The following PDE3A variants were observed in gnomAD, a reference collection of about 807,000 sequenced individuals.
PDE3A encodes cGMP-inhibited 3',5'-cyclic phosphodiesterase 3A.
A neutral mutation model predicts 98.3 loss-of-function variants in PDE3A; 43 were observed. The observed-to-expected ratio is 0.44, with a 90% CI of 0.34 to 0.56. The LOEUF is 0.56. Ranked by LOEUF, PDE3A falls within the 20% of genes least tolerant of loss-of-function variation. The pLI is 0.01. For synonymous variants in PDE3A, 663 were observed against 567.9 expected (o/e 1.17, Z -2.38); for missense variants, 1,427 against 1,440.7 (o/e 0.99, Z 0.15).
chr12:20,661,796 TG>T (rs1271484833), intron 15 of PDE3A, among the ~76,000 whole-genome samples: 1 of 151,908 alleles, frequency 6.6e-6, no homozygotes, highest in African/African-American at 2.4e-5. Context: ...GCTGCAGGGG[TG>T]GGGCAGTCAT....
rs1421778410 is a variant in PDE3A, at chr12:20,685,479, C to T, written c.*5208C>T. Among the ~76,000 whole-genome samples the T allele has an allele frequency of 6.7e-6, 1 of 148,462 alleles. No individual in the cohort carries two copies. The highest frequency in any genetic ancestry group is 1.5e-5 in the Non-Finnish European group (1 of 67,492). ...GAAGACACGAAACTGAAGATAAAGGCTTCATTTCCATAGTGGAAATCAGTG... is the reference window on the plus strand; with the variant it reads ...GAAGACACGAAACTGAAGATAAAGGTTTCATTTCCATAGTGGAAATCAGTG... On this transcript the variant is annotated 3_prime_UTR_variant, in exon 16 of 16. Transcript: ENST00000359062.
chr12:20,548,305 T>A lies in PDE3A; in HGVS notation c.961-8355T>A, dbSNP rs147531514. 3.1e-3 allele frequency among the ~76,000 whole-genome samples: 469 copies of A among 152,230 alleles called. 1 individual carries two copies. Among genetic ancestry groups the A allele is most frequent in the African/African-American group, 0.011 (443 of 41,566 alleles). ...TTCTTCATCAGACGGAAAGATTTTATTTGCCATTTGCAGGCATAACCTTGG... is the reference window on the plus strand; with the variant it reads ...TTCTTCATCAGACGGAAAGATTTTAATTGCCATTTGCAGGCATAACCTTGG... On this transcript the variant is annotated intron_variant, in intron 1 of 15. Transcript: ENST00000359062.
At chr12:20,624,502 C>T (rs1944212156) in intron 5 of PDE3A, among the ~76,000 whole-genome samples, 1 of 152,138 alleles carries the variant, frequency 6.6e-6, no homozygotes, top group Non-Finnish European at 1.5e-5. Context: ...TAAGATACCA[C>T]ATGGGCAGGT....
In PDE3A at chr12:20,630,094, C is replaced by G. The variant is rs748302991; in HGVS notation, c.1727C>G (p.Pro576Arg). 6.2e-7 allele frequency: 1 copy of G among 1,613,430 alleles called. No individual in the cohort carries two copies. Among genetic ancestry groups the G allele is most frequent in the South Asian group, 1.1e-5 (1 of 91,068 alleles). The change falls in exon 6 of 16, where the codon CCT becomes CGT. Residue 576 changes from proline to arginine, a missense_variant. This residue lies in a region of PDE3A where 1,012 missense variants were observed against 886.5 expected (regional missense o/e 1.14). Coordinates refer to ENST00000359062, the MANE Select transcript of PDE3A (RefSeq NM_000921.5). ...TYTQSAPDLS[P>R]QILTPPVICS... ...ACTCAGAGTGCCCCAGACCTATCCC[C>G]TCAAATCCTGACTCCACCTGTTATA...
chr12:20,444,056 G>C (rs1168334427), intron 1 of PDE3A, among the ~76,000 whole-genome samples: 1 of 152,130 alleles, frequency 6.6e-6, no homozygotes, highest in Non-Finnish European at 1.5e-5. Flanking sequence ...TACAATTATT[G>C]AGCACAGGAA....
At chr12:20,609,246 A>G (rs935442685) in intron 2 of PDE3A, among the ~76,000 whole-genome samples, 2 of 152,068 alleles carry the variant, frequency 1.3e-5, no homozygotes, top group Non-Finnish European at 2.9e-5. Context: ...AAATCAACAG[A>G]CAAAAATCAA....
At chr12:20,373,871 G>T (rs1943525522) in intron 1 of PDE3A, among the ~76,000 whole-genome samples, 1 of 152,124 alleles carries the variant, frequency 6.6e-6, no homozygotes, top group South Asian at 2.1e-4. Context: ...TATGGTGTTT[G>T]ATGGTAGGCA....
intron 15 of PDE3A, among the ~76,000 whole-genome samples, chr12:20,655,479 A>C (rs7970863): frequency 2.0e-5 from 3 of 152,128 alleles, no homozygotes; most frequent in African/African-American, 7.2e-5. Context: ...GAATACAGTC[A>C]TGGGTTCTTA....
intron 1 of PDE3A, among the ~76,000 whole-genome samples, chr12:20,446,890 G>C (rs1591941549): frequency 6.6e-6 from 1 of 152,150 alleles, no homozygotes; most frequent in Non-Finnish European, 1.5e-5. Context: ...CTGGATGGCT[G>C]AGGGAACTGC....
At chr12:20,654,260 T>G in intron 15 of PDE3A, 55 bp downstream of exon 15, 1 of 1,545,072 alleles carries the variant, frequency 6.5e-7, no homozygotes. Flanking sequence ...TTTCTTACTT[T>G]AGATGAATTT....
chr12:20,442,386 T>C (rs1206506707), intron 1 of PDE3A, among the ~76,000 whole-genome samples: 1 of 141,478 alleles, frequency 7.1e-6, no homozygotes, highest in African/African-American at 2.6e-5. Flanking sequence ...CTGCTTATCA[T>C]AGTTACCTCT....
chr12:20,515,722 A>ATTTC (rs1946307758), intron 1 of PDE3A, among the ~76,000 whole-genome samples: 1 of 149,176 alleles, frequency 6.7e-6, no homozygotes, highest in Non-Finnish European at 1.5e-5. Flanking sequence ...TTATTTATTT[A>ATTTC]TTTATTTATT....
At chr12:20,559,796 G>A (rs1310738002) in intron 2 of PDE3A, among the ~76,000 whole-genome samples, 1 of 152,158 alleles carries the variant, frequency 6.6e-6, no homozygotes, top group Non-Finnish European at 1.5e-5. Context: ...CTTTAAGGAT[G>A]GGTAAGCTTT....
intron 1 of PDE3A, among the ~76,000 whole-genome samples, chr12:20,498,274 A>AC (rs137958615): frequency 0.042 from 6,300 of 151,302 alleles, 172 homozygotes; most frequent in Middle Eastern, 0.079. Context: ...TATACCGCCC[A>AC]CCCCCCCAAC....
chr12:20,614,216 T>C (rs1263174831), intron 3 of PDE3A, among the ~76,000 whole-genome samples: 1 of 152,168 alleles, frequency 6.6e-6, no homozygotes, highest in Non-Finnish European at 1.5e-5. Context: ...GTAAAATATA[T>C]CCTTAGTGAT....
intron 15 of PDE3A, among the ~76,000 whole-genome samples, chr12:20,671,588 A>G (rs1411127926): frequency 1.3e-5 from 2 of 151,586 alleles, no homozygotes; most frequent in Non-Finnish European, 2.9e-5. Flanking sequence ...AACAGAGCCA[A>G]AGACAAAAAC....
Position 20,372,269 on chromosome 12 carries a change from A to AT in PDE3A, c.960+2029dup, listed in dbSNP as rs576603257. On this transcript the variant is annotated intron_variant, in intron 1 of 15. Transcript: ENST00000359062. Reference sequence around the variant, plus strand: ...TGCATAATCGCAATCTATTTCTGTAATTTTCTTTGGTCACTATTTTTTTTA... The same window carrying AT: ...TGCATAATCGCAATCTATTTCTGTAATTTTTCTTTGGTCACTATTTTTTTTA... 7.2e-5 allele frequency among the ~76,000 whole-genome samples: 11 copies of AT among 152,158 alleles called. No homozygotes were observed. The East Asian group carries it at 2.1e-3, about 29-fold the overall frequency.
intron 1 of PDE3A, among the ~76,000 whole-genome samples, chr12:20,498,314 A>G (rs768633267): frequency 9.2e-5 from 14 of 152,124 alleles, no homozygotes; most frequent in Non-Finnish European, 1.6e-4. Context: ...CTGTATAGTC[A>G]GCCTTCTGTA....
intron 15 of PDE3A, among the ~76,000 whole-genome samples, chr12:20,659,177 G>C (rs189835269): frequency 6.6e-6 from 1 of 151,480 alleles, no homozygotes. Context: ...TTTTCCTTTT[G>C]ACTCTGCCTG....
Sources: allele counts gnomAD v4.1 joint callset (sites outside exome capture counted in the v4.1 genomes callset), GRCh38; gene constraint gnomAD v4.1.1; regional missense constraint gnomAD v4.1.1; transcripts MANE v1.5; gene names NCBI Gene and HGNC (gene_info 2026-07-23, HGNC 2026-07-21).